Variants in PDCD11 observed in about 807,000 individuals in gnomAD.
The protein encoded by PDCD11 is protein RRP5 homolog.
Under a neutral mutation model 198.9 loss-of-function variants are expected in PDCD11, and 97 were observed. The observed-to-expected ratio is 0.49, with a 90% confidence interval of 0.41 to 0.58. PDCD11 has a LOEUF of 0.58. Ranked by LOEUF, PDCD11 falls within the 20% of genes least tolerant of loss-of-function variation. The pLI is 0.00. For synonymous variants in PDCD11, 893 were observed against 918.0 expected (o/e 0.97, Z 0.49); for missense variants, 2,102 against 2,312.7 (o/e 0.91, Z 1.87).
chr10:103,416,726 T>A lies in PDCD11; in HGVS notation c.1754T>A (p.Val585Asp), dbSNP rs763424295. ...GAGTATATCCCTGACCCGGAGAGAGTTTTTTACACTGGCCAGGTAACCCTT... is the reference window on the plus strand; with the variant it reads ...GAGTATATCCCTGACCCGGAGAGAGATTTTTACACTGGCCAGGTAACCCTT... ...STEYIPDPER[V>D]FYTGQVVKVV... The change falls in exon 13 of 36, where the codon GTT (valine) becomes GAT (aspartate). Residue 585 changes from valine to aspartate, a missense_variant. Transcript: ENST00000369797. The A allele has an allele frequency of 5.6e-6, 9 of 1,611,656 alleles. No homozygotes were observed. Among genetic ancestry groups the A allele is most frequent in the Non-Finnish European group, 5.1e-6 (6 of 1,179,214 alleles).
At chr10:103,434,767 C>T in intron 24 of PDCD11, 31 bp from the exon 25 acceptor site, 1 of 1,581,444 alleles carries the variant, frequency 6.3e-7, no homozygotes, top group Non-Finnish European at 8.6e-7. Flanking sequence ...CTCATTTCCT[C>T]TTCCCTGAAT....
At chr10:103,409,936 A>G (rs2030694777) in intron 8 of PDCD11, 130 bp downstream of exon 8, 2 of 683,038 alleles carry the variant, frequency 2.9e-6, no homozygotes, top group Non-Finnish European at 5.2e-6. Flanking sequence ...TGAGAGGAAT[A>G]ATGAAAAGTG....
At chr10:103,419,422 C>A in intron 15 of PDCD11, 116 bp from the exon 16 acceptor site, 1 of 1,134,048 alleles carries the variant, frequency 8.8e-7, no homozygotes, top group Non-Finnish European at 1.3e-6. Flanking sequence ...CTTAGAGAAT[C>A]GCTGTAGCAG....
At chr10:103,421,693 G>A (rs1592128503) in intron 17 of PDCD11, 126 bp downstream of exon 17, 12 of 683,214 alleles carry the variant, frequency 1.8e-5, no homozygotes, top group Middle Eastern at 8.4e-4. Flanking sequence ...GGCCGGGCGC[G>A]GTGGCTCACG....
Position 103,406,768 on chromosome 10 carries a change from T to C in PDCD11, c.848T>C (p.Val283Ala), listed in dbSNP as rs765387189. The C allele has an allele frequency of 6.2e-7, 1 of 1,614,034 alleles. No individual in the cohort carries two copies. The highest frequency in any genetic ancestry group is 8.5e-7 in the Non-Finnish European group (1 of 1,179,938). ...WNLNNLLPGL[V>A]VKAQVQKVTP... ...CTTAATAACTTGCTACCAGGACTGGTGGTCAAAGCTCAGGTACAGAAGGTA... is the reference window on the plus strand; with the variant it reads ...CTTAATAACTTGCTACCAGGACTGGCGGTCAAAGCTCAGGTACAGAAGGTA... Residue 283 changes from valine to alanine, a missense_variant, in exon 7 of 36, where the codon GTG becomes GCG. By Grantham distance (64) the Val-to-Ala change is moderately conservative. Transcript: ENST00000369797.
In PDCD11 at chr10:103,445,528, G is replaced by C. The variant is rs772720609; in HGVS notation, c.5595G>C (p.Lys1865Asn). 1 of 1,613,798 alleles carries C rather than the reference G, an allele frequency of 6.2e-7. No homozygotes were observed. The highest frequency in any genetic ancestry group is 1.1e-5 in the South Asian group (1 of 91,064). ...AGGCCCTGGAGTATGTGGAGGCCAA[G>C]AGCTCAGTGCTAGAGGACTAGTGGC... ...KAKALEYVEA[K>N]SSVLED Residue 1865 changes from lysine to asparagine, a missense_variant, in exon 36 of 36, where the codon AAG becomes AAC. By Grantham distance (94) the Lys-to-Asn change is moderately conservative (BLOSUM62 0). Coordinates refer to ENST00000369797, the MANE Select transcript of PDCD11 (RefSeq NM_014976.2).
intron 12 of PDCD11, among the ~76,000 whole-genome samples, chr10:103,415,412 C>T (rs185873568): frequency 3.0e-4 from 45 of 152,314 alleles, no homozygotes; most frequent in Admixed American, 1.6e-3. Flanking sequence ...GCTGTGGTCA[C>T]ACCTGAGAAA....
At chr10:103,440,136 T>G (rs2032316971) in intron 28 of PDCD11, among the ~76,000 whole-genome samples, 154 bp from the exon 29 acceptor site, 1 of 152,224 alleles carries the variant, frequency 6.6e-6, no homozygotes, top group Non-Finnish European at 1.5e-5. Flanking sequence ...TGAAAAATTG[T>G]GCAAATCATT....
At chr10:103,437,768 G>A (rs557749956) in intron 25 of PDCD11, among the ~76,000 whole-genome samples, 21 of 152,276 alleles carry the variant, frequency 1.4e-4, no homozygotes, top group Admixed American at 7.2e-4. Flanking sequence ...GATTACAGGC[G>A]TGAGCCACCG....
chr10:103,406,927 C>T, intron 7 of PDCD11, 137 bp downstream of exon 7: 1 of 600,396 alleles, frequency 1.7e-6, no homozygotes, highest in Non-Finnish European at 2.8e-6. Context: ...CAAATGTGGC[C>T]AGTGCCACAT....
intron 34 of PDCD11, 125 bp downstream of exon 34, chr10:103,444,193 G>A: frequency 1.3e-6 from 1 of 775,496 alleles, no homozygotes; most frequent in South Asian, 1.8e-5. Context: ...GCTGCCTGTT[G>A]ATTCTCTGCC....
At position 103,444,527 on chromosome 10, in the gene PDCD11, C is replaced by A. The variant is rs745357750; in HGVS notation, c.5289C>A (p.Val1763=). Residue 1763 remains valine, a synonymous_variant, in exon 35 of 36, where the codon GTC becomes GTA. Coordinates refer to ENST00000369797, the MANE Select transcript of PDCD11 (RefSeq NM_014976.2). The part of the protein sequence containing the change: ...ECLPSKEHVD[V]IAKFAQLEFQ... ...GTCCTCTCCCTGCAGATGTGGATGTCATTGCCAAGTTTGCCCAGCTTGAGT... is the reference window on the plus strand; with the variant it reads ...GTCCTCTCCCTGCAGATGTGGATGTAATTGCCAAGTTTGCCCAGCTTGAGT... The A allele has an allele frequency of 6.2e-7, 1 of 1,614,126 alleles. No homozygotes were observed.
At chr10:103,443,803 T>C (rs991462411) in intron 33 of PDCD11, 112 bp from the exon 34 acceptor site, 3 of 1,058,156 alleles carry the variant, frequency 2.8e-6, no homozygotes, top group Admixed American at 4.0e-5. Context: ...GCCCTGAGAG[T>C]GATTTGGTGT....
Position 103,439,884 on chromosome 10 carries a change from T to TTCTC in PDCD11, c.4148+26_4148+29dup. On this transcript the variant is annotated intron_variant, in intron 28 of 35. Coordinates refer to ENST00000369797, the MANE Select transcript of PDCD11 (RefSeq NM_014976.2). ...GGGTCCTACGGTAGGTGCCTTCCCG[T>TTCTC]TCTCTCTCTCTCTGTAATGTGAATC... The TTCTC allele has an allele frequency of 6.2e-7, 1 of 1,609,298 alleles. No homozygotes were observed. The highest frequency in any genetic ancestry group is 8.5e-7 in the Non-Finnish European group (1 of 1,176,376).
At chr10:103,417,711 G>C in intron 13 of PDCD11, 81 bp from the exon 14 acceptor site, 2 of 1,452,454 alleles carry the variant, frequency 1.4e-6, no homozygotes, top group Non-Finnish European at 9.4e-7. Context: ...CAAGTCCTCT[G>C]CAGCAGTAGT....
chr10:103,418,331 T>G, intron 14 of PDCD11, 109 bp from the exon 15 acceptor site: 1 of 870,262 alleles, frequency 1.1e-6, no homozygotes, highest in Admixed American at 2.4e-5. Flanking sequence ...AGCTGCCTCT[T>G]AGAGATCCTT....
At position 103,425,486 on chromosome 10, in the gene PDCD11, C is replaced by T. The variant is rs113363382; in HGVS notation, c.3266C>T (p.Thr1089Ile). 1.2e-6 allele frequency: 2 copies of T among 1,612,188 alleles called. No homozygotes were observed. Among genetic ancestry groups the T allele is most frequent in the African/African-American group, 1.3e-5 (1 of 74,838 alleles). Reference sequence around the variant, plus strand: ...AAGCTGAAGGTTGGGAAGACGGTCACTGCCCGAGTGATTGGCGGGCGAGAC... The same window carrying T: ...AAGCTGAAGGTTGGGAAGACGGTCATTGCCCGAGTGATTGGCGGGCGAGAC... The part of the protein sequence containing the change: ...TTKLKVGKTV[T>I]ARVIGGRDMK... Residue 1089 changes from threonine (T) to isoleucine (I), a missense_variant, in exon 20 of 36, where the codon ACT becomes ATT. By Grantham distance (89) the Thr-to-Ile change is moderately conservative. Transcript: ENST00000369797.
chr10:103,424,928 A>T, intron 19 of PDCD11, 56 bp from the exon 20 acceptor site: 1 of 1,582,456 alleles, frequency 6.3e-7, no homozygotes, highest in African/African-American at 1.3e-5. Context: ...TGGGGCCATG[A>T]GTGAGTGACC....
chr10:103,421,223 A>T, intron 16 of PDCD11, 125 bp from the exon 17 acceptor site: 1 of 692,624 alleles, frequency 1.4e-6, no homozygotes, highest in South Asian at 1.7e-5. Flanking sequence ...GTGTTCAGAG[A>T]GGGCTTGGGG....
Sources: gnomAD v4.1 joint callset for allele counts (sites outside exome capture counted in the v4.1 genomes callset) on GRCh38, gnomAD v4.1.1 for gene constraint, MANE v1.5 for transcripts, NCBI Gene and HGNC (gene_info 2026-07-23, HGNC 2026-07-21) for gene names.